GCNT2: variants seen among roughly 807,000 people sequenced by gnomAD.
The protein encoded by GCNT2 is glucosaminyl (N-acetyl) transferase 2 (I blood group), also known as N-acetyllactosaminide beta-1,6-N-acetylglucosaminyl-transferase.
GCNT2 carries 34 observed loss-of-function variants against 34.2 expected under a neutral mutation model. The ratio of observed to expected loss-of-function variants is 1.00; its 90% CI spans 0.76 to 1.32. GCNT2 has a LOEUF of 1.32. Ranked by LOEUF, GCNT2 falls within the 40% of genes most tolerant of loss-of-function variation. The pLI, the probability that GCNT2 is intolerant of heterozygous loss-of-function variation, is 0.00. For synonymous variants in GCNT2, 212 were observed against 188.0 expected (o/e 1.13, Z -1.04); for missense variants, 584 against 489.4 (o/e 1.19, Z -1.82).
At chr6:10,596,564 G>A (rs1175130208) in intron 3 of GCNT2, among the ~76,000 whole-genome samples, 7 of 151,958 alleles carry the variant, frequency 4.6e-5, no homozygotes, top group African/African-American at 1.7e-4. Context: ...CGTTTTTCTG[G>A]AGGAAAAATG....
intron 3 of GCNT2, among the ~76,000 whole-genome samples, chr6:10,569,765 T>C (rs1763456532): frequency 6.6e-6 from 1 of 152,254 alleles, no homozygotes; most frequent in Non-Finnish European, 1.5e-5. Context: ...GTGTAGTTTT[T>C]CCATGCTAGG....
intron 1 of GCNT2, among the ~76,000 whole-genome samples, chr6:10,525,802 T>C (rs1484593619): frequency 1.3e-5 from 2 of 152,152 alleles, no homozygotes; most frequent in African/African-American, 4.8e-5. Flanking sequence ...AATACAAGTG[T>C]TCGTTACCCT....
chr6:10,596,972 G>T (rs1386781899), intron 3 of GCNT2, among the ~76,000 whole-genome samples: 1 of 152,044 alleles, frequency 6.6e-6, no homozygotes, highest in Non-Finnish European at 1.5e-5. Flanking sequence ...AGCGTGATGT[G>T]GATGAAAGAA....
chr6:10,528,892 T>C lies in GCNT2; in HGVS notation c.-20T>C. Reference sequence around the variant, plus strand: ...ATCCTATCTCAAGAGAGAGATATTTTACTCATTTCCTGGTTGTGAATGATG... The same window carrying C: ...ATCCTATCTCAAGAGAGAGATATTTCACTCATTTCCTGGTTGTGAATGATG... On this transcript the variant is annotated 5_prime_UTR_variant, in exon 3 of 5. Transcript: ENST00000495262. The C allele has an allele frequency of 6.4e-7, 1 of 1,562,790 alleles. No individual in the cohort carries two copies. Among genetic ancestry groups the C allele is most frequent in the South Asian group, 1.1e-5 (1 of 90,108 alleles).
intron 3 of GCNT2, among the ~76,000 whole-genome samples, chr6:10,579,836 A>C (rs1053600930): frequency 6.7e-6 from 1 of 150,246 alleles, no homozygotes; most frequent in Non-Finnish European, 1.5e-5. Context: ...CAAAAAAAAA[A>C]AAAAAAAAAA....
rs778215474 is a variant in GCNT2, at chr6:10,555,974, C to G, written c.925+26138C>G. Reference sequence around the variant, plus strand: ...AGGGGACTAGCAGGAAGCGGCACGCCTGCCAGAGCTCATCACTTCAACTCT... The same window carrying G: ...AGGGGACTAGCAGGAAGCGGCACGCGTGCCAGAGCTCATCACTTCAACTCT... On this transcript the variant is annotated intron_variant, in intron 3 of 4. Transcript: ENST00000495262. 3.9e-6 allele frequency: 4 copies of G among 1,035,728 alleles called. No homozygotes were observed. The Admixed American group carries it at 2.0e-4, about 53-fold the overall frequency. 64.2% of individuals were successfully genotyped at this position (1,035,728 alleles called of 1,614,324 possible).
intron 3 of GCNT2, among the ~76,000 whole-genome samples, chr6:10,569,424 C>T (rs941181827): frequency 2.0e-5 from 3 of 152,120 alleles, no homozygotes; most frequent in Non-Finnish European, 2.9e-5. Context: ...TGGGCTCAAG[C>T]TGTTCTCCCA....
At chr6:10,533,069 G>T (rs1484960778) in intron 3 of GCNT2, among the ~76,000 whole-genome samples, 1 of 150,950 alleles carries the variant, frequency 6.6e-6, no homozygotes, top group East Asian at 2.0e-4. Flanking sequence ...CACTTTGGGA[G>T]GCTGAGCTGG....
chr6:10,617,314 T>G (rs968559927), intron 3 of GCNT2, among the ~76,000 whole-genome samples: 15 of 152,172 alleles, frequency 9.9e-5, no homozygotes, highest in Admixed American at 1.3e-4. Flanking sequence ...CTCCGAGTGC[T>G]GGGCGCCCCC....
At chr6:10,603,178 A>C (rs996766662) in intron 3 of GCNT2, among the ~76,000 whole-genome samples, 1 of 152,212 alleles carries the variant, frequency 6.6e-6, no homozygotes, top group South Asian at 2.1e-4. Flanking sequence ...AAACGTGTAC[A>C]TGAGTGACGC....
intron 3 of GCNT2, among the ~76,000 whole-genome samples, chr6:10,548,792 G>T (rs182848056): frequency 1.3e-5 from 2 of 150,484 alleles, no homozygotes; most frequent in African/African-American, 2.4e-5. Context: ...ACGAAGTCTC[G>T]CTGTCACCCA....
chr6:10,617,743 A>ATTT lies in GCNT2; in HGVS notation c.926-3607_926-3605dup, dbSNP rs1254996839. 1.5e-4 allele frequency among the ~76,000 whole-genome samples: 17 copies of ATTT among 112,790 alleles called. 1 individual carries two copies. Among genetic ancestry groups the ATTT allele is most frequent in the South Asian group, 9.8e-4 (4 of 4,068 alleles). The allele number at this position is 112,790 out of a possible 152,430, so 74.0% of individuals were successfully genotyped here. On this transcript the variant is annotated intron_variant, in intron 3 of 4. Transcript: ENST00000495262. ...GCCACTGCACCTGGCCAGAGTCTGC[A>ATTT]TTTCTTCTTTTTTTTTTTTTTTTTT...
intron 3 of GCNT2, among the ~76,000 whole-genome samples, chr6:10,611,141 T>C (rs1474494719): frequency 6.6e-6 from 1 of 152,004 alleles, no homozygotes; most frequent in African/African-American, 2.4e-5. Flanking sequence ...TCCCAGCACT[T>C]TGGGAGGCCA....
intron 3 of GCNT2, among the ~76,000 whole-genome samples, chr6:10,609,415 T>TTG (rs1202202021): frequency 1.3e-5 from 2 of 152,206 alleles, no homozygotes; most frequent in African/African-American, 2.4e-5. Context: ...GAACCCATAC[T>TTG]CAAAATAATG....
chr6:10,579,835 A>AC lies in GCNT2; in HGVS notation c.926-41516_926-41515insC, dbSNP rs1561814472. Among the ~76,000 whole-genome samples the AC allele has an allele frequency of 7.6e-3, 1,138 of 150,194 alleles. 20 individuals are homozygous for AC. Among genetic ancestry groups the AC allele is most frequent in the African/African-American group, 0.027 (1,091 of 40,324 alleles). On this transcript the variant is annotated intron_variant, in intron 3 of 4. Coordinates refer to ENST00000495262, the MANE Select transcript of GCNT2 (RefSeq NM_145649.5). ...CATCTCAAAAAACAAACAAAAAAAA[A>AC]AAAAAAAAAAAAACAAGTAATAAAA...
At chr6:10,561,715 T>A (rs961304116) in intron 3 of GCNT2, among the ~76,000 whole-genome samples, 1 of 152,224 alleles carries the variant, frequency 6.6e-6, no homozygotes, top group Non-Finnish European at 1.5e-5. Context: ...TTTTGGAGTC[T>A]TTGCTCATTC....
In GCNT2 at chr6:10,529,124, A is replaced by G; in HGVS notation, c.213A>G (p.Glu71=). The G allele has an allele frequency of 6.2e-7, 1 of 1,614,084 alleles. No individual in the cohort carries two copies. The highest frequency in any genetic ancestry group is 8.5e-7 in the Non-Finnish European group (1 of 1,179,954). The change falls in exon 3 of 5, where the codon GAA becomes GAG. Residue 71 remains glutamate, a synonymous_variant. Coordinates refer to ENST00000495262, the MANE Select transcript of GCNT2 (RefSeq NM_145649.5). ...TENALKTTLD[E]ATCYEYMVRS... ...ATGCATTGAAAACTACCCTTGATGA[A>G]GCTACCTGCTATGAGTACATGGTTC...
At chr6:10,623,238 A>ATTTAC (rs75000490) in intron 4 of GCNT2, among the ~76,000 whole-genome samples, 89,730 of 150,844 alleles carry the variant, frequency 0.59, 26,690 homozygotes, top group East Asian at 0.66. Flanking sequence ...ATGTTAATAT[A>ATTTAC]TTTAATCAGC....
At chr6:10,606,767 A>G (rs907814295) in intron 3 of GCNT2, among the ~76,000 whole-genome samples, 10 of 142,724 alleles carry the variant, frequency 7.0e-5, no homozygotes, top group African/African-American at 2.4e-4. Context: ...GATAAAGACT[A>G]AAATAAAAAT....
Sources: allele counts gnomAD v4.1 joint callset (sites outside exome capture counted in the v4.1 genomes callset), GRCh38; gene constraint gnomAD v4.1.1; transcripts MANE v1.5; gene names NCBI Gene and HGNC (gene_info 2026-07-23, HGNC 2026-07-21).